Variants in CUX1 observed in about 807,000 individuals in gnomAD.
The protein encoded by CUX1 is cut like homeobox 1.
Under a neutral mutation model 158.8 loss-of-function variants are expected in CUX1, and 31 were observed. That is an observed-to-expected ratio of 0.20 (90% CI 0.15 to 0.26). The LOEUF is 0.26. Ranked by LOEUF, CUX1 falls within the 10% of genes least tolerant of loss-of-function variation. The probability of loss-of-function intolerance (pLI) is 1.00; values close to 1 mark genes in which losing one functional copy is unlikely to be tolerated. For synonymous variants in CUX1, 879 were observed against 862.1 expected, an observed-to-expected ratio of 1.02 and a Z score of -0.34; for missense variants, 1,589 against 2,014.6, an observed-to-expected ratio of 0.79 and a Z score of 4.04.
chr7:102,235,616 C>T (rs571492048), intron 22 of CUX1, among the ~76,000 whole-genome samples: 3 of 151,388 alleles, frequency 2.0e-5, no homozygotes, highest in Non-Finnish European at 2.9e-5. Context: ...GCAGGAGAAT[C>T]GCTTGAACCT....
At chr7:101,881,816 A>G (rs550675097) in intron 1 of CUX1, among the ~76,000 whole-genome samples, 1 of 152,274 alleles carries the variant, frequency 6.6e-6, no homozygotes, top group South Asian at 2.1e-4. Flanking sequence ...AGGAGGCAGG[A>G]GTGGAAAAAT....
intron 20 of CUX1, among the ~76,000 whole-genome samples, chr7:102,219,625 T>A (rs1797616266): frequency 1.3e-5 from 2 of 152,196 alleles, no homozygotes; most frequent in African/African-American, 4.8e-5. Context: ...TTTTGTAGTT[T>A]GGCCACGCTG....
At chr7:101,993,006 G>C (rs989745116) in intron 2 of CUX1, among the ~76,000 whole-genome samples, 3 of 152,226 alleles carry the variant, frequency 2.0e-5, no homozygotes, top group Admixed American at 1.3e-4. Context: ...GGTGGCCTGG[G>C]CGGGAGGGTC....
chr7:102,216,572 ACACACACTCTCC>A (rs1797112766), intron 20 of CUX1, among the ~76,000 whole-genome samples: 1 of 50,106 alleles, frequency 2.0e-5, no homozygotes, highest in Admixed American at 2.9e-4. Flanking sequence ...ACACTCCCAC[ACACACACTCTCC>A]CACACACACA....
chr7:102,127,902 C>T (rs1478770412), intron 8 of CUX1, among the ~76,000 whole-genome samples: 2 of 152,144 alleles, frequency 1.3e-5, no homozygotes, highest in Non-Finnish European at 2.9e-5. Context: ...GGCTGGAGTG[C>T]CGTGGCATGA....
intron 2 of CUX1, among the ~76,000 whole-genome samples, chr7:102,006,220 G>A (rs1366581126): frequency 6.6e-6 from 1 of 152,148 alleles, no homozygotes; most frequent in Non-Finnish European, 1.5e-5. Context: ...GTCTCTTTCA[G>A]TTTGGAGCCT....
chr7:102,128,227 T>C (rs1832857194), intron 8 of CUX1, among the ~76,000 whole-genome samples: 1 of 152,202 alleles, frequency 6.6e-6, no homozygotes, highest in Non-Finnish European at 1.5e-5. Flanking sequence ...ATGGCAGTAC[T>C]GGCACGGGGC....
At chr7:101,880,600 C>T (rs1307564410) in intron 1 of CUX1, among the ~76,000 whole-genome samples, 1 of 152,124 alleles carries the variant, frequency 6.6e-6, no homozygotes, top group South Asian at 2.1e-4. Context: ...AATGATGAAC[C>T]TGATTCAGGT....
intron 18 of CUX1, among the ~76,000 whole-genome samples, chr7:102,202,598 C>G (rs1795564166): frequency 6.6e-6 from 1 of 152,188 alleles, no homozygotes; most frequent in African/African-American, 2.4e-5. Context: ...GAGAGGCACC[C>G]CTGCAGGCTT....
At chr7:102,063,833 C>T (rs956421637) in intron 3 of CUX1, among the ~76,000 whole-genome samples, 1 of 152,164 alleles carries the variant, frequency 6.6e-6, no homozygotes, top group Non-Finnish European at 1.5e-5. Context: ...TGCCCGTGGT[C>T]GGGAGGAAAA....
chr7:102,083,091 T>C (rs953066976), intron 4 of CUX1, among the ~76,000 whole-genome samples: 1 of 147,218 alleles, frequency 6.8e-6, no homozygotes. Context: ...GTTACAGTTG[T>C]ATTATTTTAT....
At chr7:101,878,427 T>C (rs1044213972) in intron 1 of CUX1, among the ~76,000 whole-genome samples, 1 of 152,174 alleles carries the variant, frequency 6.6e-6, no homozygotes, top group Non-Finnish European at 1.5e-5. Flanking sequence ...ACTGAAGTCA[T>C]TGCCGCTAAG....
intron 15 of CUX1, 121 bp from the exon 16 acceptor site, chr7:102,198,681 C>A: frequency 1.2e-6 from 1 of 817,620 alleles, no homozygotes; most frequent in Non-Finnish European, 2.0e-6. Flanking sequence ...CCGAGTTGCA[C>A]AGGCAGCCCT....
chr7:101,828,213 G>T (rs547917653), intron 1 of CUX1, among the ~76,000 whole-genome samples: 469 of 151,922 alleles, frequency 3.1e-3, no homozygotes, highest in Non-Finnish European at 5.6e-3. Flanking sequence ...CAGATGATCT[G>T]TCCGCTTCGG....
chr7:102,245,033 CT>C (rs1800656083), intron 23 of CUX1, among the ~76,000 whole-genome samples: 1 of 152,098 alleles, frequency 6.6e-6, no homozygotes, highest in Non-Finnish European at 1.5e-5. Context: ...TGTTTGTTTT[CT>C]GATTTTGGTT....
chr7:102,139,759 C>T (rs1396684544), intron 8 of CUX1, among the ~76,000 whole-genome samples: 1 of 152,176 alleles, frequency 6.6e-6, no homozygotes, highest in Non-Finnish European at 1.5e-5. Flanking sequence ...TCAAGCCATC[C>T]TCCTGCCTCA....
Position 102,257,256 on chromosome 7 carries a change from C to G in CUX1, c.*8214C>G. 1.0e-6 allele frequency: 1 copy of G among 985,234 alleles called. No individual in the cohort carries two copies. Among genetic ancestry groups the G allele is most frequent in the Non-Finnish European group, 1.2e-6 (1 of 829,908 alleles). The allele number at this position is 985,234 out of a possible 1,614,324, so 61.0% of individuals were successfully genotyped here. A position where few individuals can be genotyped will look rare whatever the true frequency, so the allele number is the denominator to read the frequency against. On this transcript the variant is annotated 3_prime_UTR_variant, in exon 24 of 24. Transcript: ENST00000292535. ...GCCGGGGGCCCTGATTTTGTTCTCT[C>G]TTTGAAAGAAACCCTCCACCGAAAC...
At chr7:102,191,871 C>G (rs571855574) in intron 12 of CUX1, among the ~76,000 whole-genome samples, 17 of 152,154 alleles carry the variant, frequency 1.1e-4, no homozygotes, top group African/African-American at 4.1e-4. Context: ...AGGCTCCAGC[C>G]TGCAACACAT....
chr7:102,180,637 T>C (rs1200764040), intron 11 of CUX1, among the ~76,000 whole-genome samples: 1 of 151,256 alleles, frequency 6.6e-6, no homozygotes, highest in Non-Finnish European at 1.5e-5. Flanking sequence ...CAATGTCTTT[T>C]TTTTTTTTTT....
Sources: allele counts gnomAD v4.1 joint callset (sites outside exome capture counted in the v4.1 genomes callset), GRCh38; gene constraint gnomAD v4.1.1; transcripts MANE v1.5; gene names NCBI Gene and HGNC (gene_info 2026-07-23, HGNC 2026-07-21).